The following MCTP2 variants were observed in gnomAD, a reference collection of about 807,000 sequenced individuals.
MCTP2 encodes the protein multiple C2 and transmembrane domain containing 2.
MCTP2 carries 132 observed loss-of-function variants against 111.6 expected under a neutral mutation model. The observed-to-expected ratio is 1.18, with a 90% CI of 1.03 to 1.37. MCTP2 has a LOEUF of 1.37. MCTP2 is among the 40% of genes most tolerant of loss of function. MCTP2 has a pLI of 0.00. For synonymous variants in MCTP2, 395 were observed against 387.7 expected, an observed-to-expected ratio of 1.02 and a Z score of -0.22; for missense variants, 1,183 against 1,067.9, an observed-to-expected ratio of 1.11 and a Z score of -1.50.
At chr15:94,391,882 T>C (rs982754131) in intron 14 of MCTP2, among the ~76,000 whole-genome samples, 2 of 152,064 alleles carry the variant, frequency 1.3e-5, no homozygotes, top group African/African-American at 2.4e-5. Flanking sequence ...GTTAAATCAG[T>C]TCAACTTTTC....
intron 19 of MCTP2, among the ~76,000 whole-genome samples, chr15:94,456,611 C>G (rs2152524904): frequency 6.6e-6 from 1 of 152,154 alleles, no homozygotes; most frequent in Non-Finnish European, 1.5e-5. Context: ...GTAGCACAAA[C>G]TGAGGAATTA....
chr15:94,479,285 A>C lies in MCTP2; in HGVS notation c.*251A>C. 1 of 509,982 alleles carries C rather than the reference A, an allele frequency of 2.0e-6. No homozygotes were observed. Among genetic ancestry groups the C allele is most frequent in the Non-Finnish European group, 3.5e-6 (1 of 283,352 alleles). The allele number at this position is 509,982 out of a possible 1,614,324, so 31.6% of individuals were successfully genotyped here. On this transcript the variant is annotated 3_prime_UTR_variant, in exon 23 of 23. Coordinates refer to ENST00000357742, the MANE Select transcript of MCTP2 (RefSeq NM_001385001.1). Reference sequence around the variant, plus strand: ...AACCCCAAGACTGTGAAAGACTAACATCCATTCTGAAATAGGAGATAACAA... The same window carrying C: ...AACCCCAAGACTGTGAAAGACTAACCTCCATTCTGAAATAGGAGATAACAA...
At chr15:94,239,822 G>T (rs1343960070) in intron 1 of MCTP2, among the ~76,000 whole-genome samples, 3 of 152,190 alleles carry the variant, frequency 2.0e-5, no homozygotes, top group African/African-American at 7.2e-5. Context: ...AGTATCTGAT[G>T]AATTGTTTTT....
At chr15:94,384,000 G>C (rs375489919) in intron 12 of MCTP2, 22 bp from the exon 13 acceptor site, 1 of 1,528,600 alleles carries the variant, frequency 6.5e-7, no homozygotes, top group African/African-American at 1.4e-5. Context: ...GTCTTTGACC[G>C]ATGTGTATGT....
intron 17 of MCTP2, among the ~76,000 whole-genome samples, chr15:94,406,082 A>G (rs1567642391): frequency 6.6e-6 from 1 of 152,210 alleles, no homozygotes; most frequent in Non-Finnish European, 1.5e-5. Flanking sequence ...ATACATTTAT[A>G]TACATACACA....
chr15:94,242,974 T>G lies in MCTP2; in HGVS notation c.-66+11310T>G, dbSNP rs529692740. Among the ~76,000 whole-genome samples, 31 of 103,880 alleles carry G rather than the reference T, an allele frequency of 3.0e-4. No homozygotes were observed. The East Asian group carries it at 4.0e-3, about 13-fold the overall frequency. The allele number at this position is 103,880 out of a possible 152,430, so 68.1% of individuals were successfully genotyped here. ...ACACATATACACGTGTATATGTGTA[T>G]CTACACATACACGTGTATATGTGTA... On this transcript the variant is annotated intron_variant, in intron 1 of 22. Coordinates refer to ENST00000357742, the MANE Select transcript of MCTP2 (RefSeq NM_001385001.1).
At chr15:94,473,762 A>C (rs1334291715) in intron 21 of MCTP2, among the ~76,000 whole-genome samples, 1 of 152,202 alleles carries the variant, frequency 6.6e-6, no homozygotes. Flanking sequence ...AGACACTCAG[A>C]ATTTGATAAA....
chr15:94,296,699 G>A (rs149758502), intron 1 of MCTP2, among the ~76,000 whole-genome samples: 4 of 152,264 alleles, frequency 2.6e-5, no homozygotes, highest in Non-Finnish European at 5.9e-5. Flanking sequence ...AGGTAATCTC[G>A]TCCCCACTGG....
At chr15:94,375,890 A>G (rs928747710) in intron 12 of MCTP2, among the ~76,000 whole-genome samples, 1 of 152,214 alleles carries the variant, frequency 6.6e-6, no homozygotes, top group Non-Finnish European at 1.5e-5. Context: ...CTTTCCAGAG[A>G]ACCCAATATA....
chr15:94,356,449 T>A, intron 9 of MCTP2, 148 bp downstream of exon 9: 1 of 638,338 alleles, frequency 1.6e-6, no homozygotes, highest in Non-Finnish European at 2.4e-6. Flanking sequence ...AAAATAATTG[T>A]ATAGATGCAG....
At chr15:94,470,571 T>C (rs2073838330) in intron 21 of MCTP2, 129 bp downstream of exon 21, 2 of 751,652 alleles carry the variant, frequency 2.7e-6, no homozygotes, top group African/African-American at 1.7e-5. Context: ...AGGAAAGCAT[T>C]TGGGGAACAA....
Position 94,353,855 on chromosome 15 carries a change from C to T in MCTP2, c.1006-2282C>T, listed in dbSNP as rs891126363. Among the ~76,000 whole-genome samples the T allele has an allele frequency of 4.6e-5, 7 of 152,122 alleles. No individual in the cohort carries two copies. The East Asian group carries it at 5.8e-4, about 13-fold the overall frequency. The stretch of plus-strand genomic sequence containing the variant: ...AAGCTAGAAAATGTATTCAGTATAT[C>T]GATATCTATATAAACATCTATAGAT... On this transcript the variant is annotated intron_variant, in intron 8 of 22. Transcript: ENST00000357742.
At chr15:94,430,846 TTATTCACCTAG>T (rs2083147869) in intron 17 of MCTP2, among the ~76,000 whole-genome samples, 1 of 152,100 alleles carries the variant, frequency 6.6e-6, no homozygotes, top group Non-Finnish European at 1.5e-5. Context: ...CCTGGAAACA[TTATTCACCTAG>T]ATACCCACAC....
intron 10 of MCTP2, 150 bp downstream of exon 10, chr15:94,358,762 G>C: frequency 1.2e-6 from 1 of 846,950 alleles, no homozygotes. Flanking sequence ...GTCCTAACTG[G>C]GGGAAAGTTT....
At chr15:94,388,356 A>G (rs1452131401) in intron 14 of MCTP2, among the ~76,000 whole-genome samples, 2 of 152,122 alleles carry the variant, frequency 1.3e-5, no homozygotes, top group Non-Finnish European at 2.9e-5. Flanking sequence ...TTCATTTCCA[A>G]TTCCTGACTG....
At chr15:94,312,043 T>C (rs1278009092) in intron 2 of MCTP2, among the ~76,000 whole-genome samples, 3 of 152,166 alleles carry the variant, frequency 2.0e-5, no homozygotes, top group Non-Finnish European at 4.4e-5. Flanking sequence ...ATCCCAATAG[T>C]TTTGTGGAAT....
chr15:94,398,824 A>C lies in MCTP2; in HGVS notation c.1789-137A>C. Reference sequence around the variant, plus strand: ...AAAAGTAAAAGGCGATTTATGGTGGATTTAATATTTCTTTAATGTTTGCTT... The same window carrying C: ...AAAAGTAAAAGGCGATTTATGGTGGCTTTAATATTTCTTTAATGTTTGCTT... On this transcript the variant is annotated intron_variant, in intron 14 of 22. Transcript: ENST00000357742. 3 of 560,842 alleles carry C rather than the reference A, an allele frequency of 5.3e-6. No individual in the cohort carries two copies. In the South Asian group the frequency reaches 6.9e-5, roughly 13 times the overall value. The allele number at this position is 560,842 out of a possible 1,614,324, so 34.7% of individuals were successfully genotyped here. A position where few individuals can be genotyped will look rare whatever the true frequency, so the allele number is the denominator to read the frequency against.
chr15:94,474,841 C>T (rs371464647), intron 21 of MCTP2, among the ~76,000 whole-genome samples: 2 of 144,198 alleles, frequency 1.4e-5, no homozygotes, highest in South Asian at 4.6e-4. Context: ...TCTGAGTGCC[C>T]TATAATTTTT....
In MCTP2 at chr15:94,355,967, C is replaced by T. The variant is rs531742545; in HGVS notation, c.1006-170C>T. The T allele has an allele frequency of 9.0e-5, 115 of 1,282,942 alleles. No homozygotes were observed. In the Middle Eastern group the frequency reaches 3.1e-3, roughly 35 times the overall value. 79.5% of individuals were successfully genotyped at this position (1,282,942 alleles called of 1,614,324 possible). On this transcript the variant is annotated intron_variant, in intron 8 of 22. Transcript: ENST00000357742. ...CCACTCCAAAGCTTGAGAAGGAAGTCACATAACTGTGACAGCAGGTTTGCA... is the reference window on the plus strand; with the variant it reads ...CCACTCCAAAGCTTGAGAAGGAAGTTACATAACTGTGACAGCAGGTTTGCA...
Sources: allele counts gnomAD v4.1 joint callset (sites outside exome capture counted in the v4.1 genomes callset), GRCh38; gene constraint gnomAD v4.1.1; transcripts MANE v1.5; gene names NCBI Gene and HGNC (gene_info 2026-07-23, HGNC 2026-07-21).